Variants in ST8SIA2 observed in about 807,000 individuals in gnomAD.
The protein encoded by ST8SIA2 is alpha-2,8-sialyltransferase 8B.
A neutral mutation model predicts 37.6 loss-of-function variants in ST8SIA2; 22 were observed. The observed-to-expected ratio is 0.58, with a 90% confidence interval of 0.42 to 0.83. The LOEUF (loss-of-function observed/expected upper bound fraction) is 0.83, where lower values mean the gene tolerates loss of function less well. ST8SIA2 is among the 40% of genes least tolerant of loss of function. The probability of loss-of-function intolerance (pLI) is 0.00; values close to 1 mark genes in which losing one functional copy is unlikely to be tolerated. For synonymous variants in ST8SIA2, 205 were observed against 201.2 expected, an observed-to-expected ratio of 1.02 and a Z score of -0.16; for missense variants, 382 against 484.7, an observed-to-expected ratio of 0.79 and a Z score of 1.99.
intron 1 of ST8SIA2, among the ~76,000 whole-genome samples, chr15:92,399,797 C>G (rs1452149970): frequency 6.6e-6 from 1 of 152,216 alleles, no homozygotes; most frequent in Non-Finnish European, 1.5e-5. Flanking sequence ...CTCAGAGCCT[C>G]TTTCCCCCTG....
At chr15:92,397,877 A>T (rs953780667) in intron 1 of ST8SIA2, among the ~76,000 whole-genome samples, 5 of 152,246 alleles carry the variant, frequency 3.3e-5, no homozygotes, top group Admixed American at 6.5e-5. Flanking sequence ...TCACGCCTGT[A>T]ATCCCAACAC....
chr15:92,401,700 G>A (rs1345764449), intron 1 of ST8SIA2, among the ~76,000 whole-genome samples: 1 of 151,962 alleles, frequency 6.6e-6, no homozygotes, highest in African/African-American at 2.4e-5. Context: ...TCTCAGCTCT[G>A]TCCAAGGGTT....
intron 3 of ST8SIA2, among the ~76,000 whole-genome samples, chr15:92,436,818 C>A (rs377667685): frequency 6.6e-6 from 1 of 152,256 alleles, no homozygotes; most frequent in Non-Finnish European, 1.5e-5. Context: ...GGATGAGACG[C>A]GCCGAGCTTA....
intron 5 of ST8SIA2, among the ~76,000 whole-genome samples, chr15:92,445,543 T>G (rs1233094468): frequency 6.6e-6 from 1 of 152,228 alleles, no homozygotes; most frequent in Non-Finnish European, 1.5e-5. Flanking sequence ...GGCTGAGATC[T>G]TCAAAGGAGC....
At chr15:92,423,594 C>T (rs1480141590) in intron 1 of ST8SIA2, among the ~76,000 whole-genome samples, 5 of 152,240 alleles carry the variant, frequency 3.3e-5, no homozygotes, top group Admixed American at 1.3e-4. Context: ...CAAGATGGCA[C>T]GTTGAGCACT....
chr15:92,439,248 G>A (rs750087809), intron 4 of ST8SIA2, among the ~76,000 whole-genome samples: 13 of 151,846 alleles, frequency 8.6e-5, no homozygotes, highest in Admixed American at 2.0e-4. Context: ...TGCCCTACTA[G>A]TGACTTTATT....
intron 5 of ST8SIA2, among the ~76,000 whole-genome samples, chr15:92,455,629 G>A (rs2049914864): frequency 6.6e-6 from 1 of 152,292 alleles, no homozygotes; most frequent in Admixed American, 6.5e-5. Flanking sequence ...CAGCTGACTG[G>A]CAGTCCACTG....
rs2049990054 is a variant in ST8SIA2, at chr15:92,466,104, G to T, written c.*1719G>T. 1.3e-5 allele frequency: 2 copies of T among 152,136 alleles called. No individual in the cohort carries two copies. The highest frequency in any genetic ancestry group is 1.3e-4 in the Admixed American group (2 of 15,278). 9.4% of individuals were successfully genotyped at this position (152,136 alleles called of 1,614,324 possible). A position where few individuals can be genotyped will look rare whatever the true frequency, so the allele number is the denominator to read the frequency against. On this transcript the variant is annotated 3_prime_UTR_variant, in exon 6 of 6. Transcript: ENST00000268164. ...TAATGGTTGACCGGAAGGGATTGGA[G>T]GCGGCAGAACCATTAACCCTACACA...
intron 1 of ST8SIA2, among the ~76,000 whole-genome samples, chr15:92,398,871 C>T (rs2049451000): frequency 6.6e-6 from 1 of 152,198 alleles, no homozygotes; most frequent in Admixed American, 6.5e-5. Context: ...AACTCATCCC[C>T]AGTGGTTCTT....
intron 1 of ST8SIA2, among the ~76,000 whole-genome samples, chr15:92,411,633 G>T (rs375059066): frequency 2.0e-5 from 3 of 152,206 alleles, no homozygotes; most frequent in East Asian, 1.9e-4. Context: ...AGCAACTAGG[G>T]GATAAGAGGG....
At chr15:92,444,489 G>A (rs2049825787) in intron 4 of ST8SIA2, 147 bp from the exon 5 acceptor site, 1 of 908,154 alleles carries the variant, frequency 1.1e-6, no homozygotes, top group Non-Finnish European at 1.7e-6. Flanking sequence ...AAGGATGATG[G>A]GAGGGGCCTG....
intron 4 of ST8SIA2, among the ~76,000 whole-genome samples, chr15:92,439,667 C>T (rs935904880): frequency 3.9e-5 from 6 of 152,304 alleles, no homozygotes; most frequent in South Asian, 2.1e-4. Flanking sequence ...GGGATTGAAA[C>T]GCTACCACAG....
intron 5 of ST8SIA2, 126 bp from the exon 6 acceptor site, chr15:92,463,974 A>C (rs941472822): frequency 7.5e-7 from 1 of 1,328,778 alleles, no homozygotes; most frequent in Non-Finnish European, 1.0e-6. Context: ...AGGGATGTGT[A>C]GCTTGATCGG....
intron 5 of ST8SIA2, among the ~76,000 whole-genome samples, chr15:92,463,177 AG>A (rs1390002762): frequency 2.0e-5 from 3 of 152,240 alleles, no homozygotes; most frequent in African/African-American, 7.2e-5. Context: ...GAATGCACAT[AG>A]TCTCTTCCTC....
At chr15:92,435,640 A>G (rs2049751402) in intron 3 of ST8SIA2, among the ~76,000 whole-genome samples, 1 of 152,146 alleles carries the variant, frequency 6.6e-6, no homozygotes, top group Non-Finnish European at 1.5e-5. Flanking sequence ...GGACCTGTGC[A>G]GGGCTGGGGA....
intron 1 of ST8SIA2, among the ~76,000 whole-genome samples, chr15:92,405,639 C>T (rs2049503192): frequency 6.6e-6 from 1 of 152,108 alleles, no homozygotes; most frequent in South Asian, 2.1e-4. Flanking sequence ...AAAAATAATA[C>T]AGGACCAAAA....
intron 1 of ST8SIA2, among the ~76,000 whole-genome samples, chr15:92,408,290 C>T (rs1050043669): frequency 2.0e-5 from 3 of 152,004 alleles, no homozygotes; most frequent in Non-Finnish European, 4.4e-5. Flanking sequence ...AGATTAGACC[C>T]TCATCTCACC....
At chr15:92,396,545 G>A (rs771215821) in intron 1 of ST8SIA2, among the ~76,000 whole-genome samples, 1 of 151,522 alleles carries the variant, frequency 6.6e-6, no homozygotes, top group Non-Finnish European at 1.5e-5. Context: ...CCAGGATGGA[G>A]TGCAGTGGCA....
chr15:92,452,128 G>A (rs555855756), intron 5 of ST8SIA2, among the ~76,000 whole-genome samples: 3 of 152,128 alleles, frequency 2.0e-5, no homozygotes, highest in African/African-American at 4.8e-5. Flanking sequence ...ATAGGGGAAC[G>A]GGGCCTTTGG....
Sources: allele counts gnomAD v4.1 joint callset (sites outside exome capture counted in the v4.1 genomes callset), GRCh38; gene constraint gnomAD v4.1.1; transcripts MANE v1.5; gene names NCBI Gene and HGNC (gene_info 2026-07-23, HGNC 2026-07-21).